The following MYH10 variants were observed in gnomAD, a reference collection of about 807,000 sequenced individuals.
MYH10 encodes myosin-10.
In MYH10, 55 loss-of-function variants were observed where a neutral mutation model predicts 257.8. The observed-to-expected ratio is 0.21, with a 90% CI of 0.17 to 0.27. The LOEUF is 0.27. Ranked by LOEUF, MYH10 falls within the 10% of genes least tolerant of loss-of-function variation. The pLI is 1.00. For synonymous variants in MYH10, 854 were observed against 921.7 expected (o/e 0.93, Z 1.33); for missense variants, 1,631 against 2,500.6 (o/e 0.65, Z 7.42).
chr17:8,602,976 C>T (rs771654499), intron 3 of MYH10, among the ~76,000 whole-genome samples: 4 of 152,142 alleles, frequency 2.6e-5, no homozygotes, highest in Non-Finnish European at 4.4e-5. Flanking sequence ...GCCACATCTG[C>T]CTCATATCTT....
chr17:8,599,434 C>T (rs2084508309), intron 3 of MYH10, among the ~76,000 whole-genome samples: 1 of 152,076 alleles, frequency 6.6e-6, no homozygotes, highest in African/African-American at 2.4e-5. Flanking sequence ...TTTCCAATAG[C>T]AACTGTTTTA....
chr17:8,554,907 C>T (rs565108608), intron 7 of MYH10, among the ~76,000 whole-genome samples: 5 of 152,262 alleles, frequency 3.3e-5, no homozygotes, highest in African/African-American at 9.6e-5. Context: ...GAACTGAGAT[C>T]GCGCCACTGC....
rs2082120542 is a variant in MYH10 at position 8,535,621 on chromosome 17, G to C, written c.1780-120C>G. ...CAACAGTCCCCAAAATGGGCTGTCT[G>C]AAAGACAATATGTTTGTAATATATA... is the stretch of plus-strand genomic sequence containing the variant. On this transcript the variant is annotated intron_variant, in intron 15 of 42. Coordinates refer to ENST00000360416, the MANE Select transcript of MYH10 (RefSeq NM_001256012.3). This position sits in a 1 kb window ranked among gnomAD's most constrained non-coding sequence, Gnocchi z 4.3. 2 of 1,231,400 alleles carry C rather than the reference G, an allele frequency of 1.6e-6. No homozygotes were observed. Among genetic ancestry groups the C allele is most frequent in the Admixed American group, 2.2e-5 (1 of 44,976 alleles). The allele number at this position is 1,231,400 out of a possible 1,614,324, so 76.3% of individuals were successfully genotyped here.
chr17:8,508,447 T>A (rs1212765900), intron 26 of MYH10, 107 bp downstream of exon 26: 2 of 1,479,900 alleles, frequency 1.4e-6, no homozygotes, highest in East Asian at 2.3e-5. Context: ...AGGTCCTTAT[T>A]ATTAGTAATC....
At position 8,535,457 on chromosome 17, in the gene MYH10, G is replaced by A. The variant is rs551194707; in HGVS notation, c.1824C>T (p.Pro608=). 66 of 1,613,976 alleles carry A rather than the reference G, an allele frequency of 4.1e-5. 2 individuals carry two copies. The South Asian group carries it at 7.1e-4, about 17-fold the overall frequency. The stretch of plus-strand genomic sequence containing the variant: ...AAAGGGTGGCCACGTTGTCATTCAG[G>A]GGGTCCATATTCTTCATCAGCCACT... ...ADEWLMKNMD[P]LNDNVATLLH... is the part of the protein sequence containing the mutation. The change falls in exon 16 of 43, where the codon CCC becomes CCT. Residue 608 remains proline (P), a synonymous_variant. Coordinates refer to ENST00000360416, the MANE Select transcript of MYH10 (RefSeq NM_001256012.3). The surrounding 1 kb of genome is among the most constrained non-coding windows in gnomAD (Gnocchi z 4.3).
intron 30 of MYH10, among the ~76,000 whole-genome samples, chr17:8,497,690 G>A (rs1281598223): frequency 7.4e-6 from 1 of 134,406 alleles, no homozygotes; most frequent in Admixed American, 8.4e-5. Context: ...AGTGAGCCGA[G>A]ATTGCGCCAC....
At chr17:8,619,780 T>C (rs1385384953) in intron 2 of MYH10, among the ~76,000 whole-genome samples, 1 of 151,782 alleles carries the variant, frequency 6.6e-6, no homozygotes, top group South Asian at 2.1e-4. Flanking sequence ...AAAAAAATTA[T>C]CTGGGTGTGG....
chr17:8,556,017 A>C (rs933435060), intron 7 of MYH10, among the ~76,000 whole-genome samples: 15 of 152,170 alleles, frequency 9.9e-5, no homozygotes, highest in African/African-American at 3.6e-4. Flanking sequence ...GTGAATGGCC[A>C]ACAAGTATAT....
chr17:8,587,836 A>G (rs1056195494), intron 4 of MYH10, among the ~76,000 whole-genome samples: 1 of 152,110 alleles, frequency 6.6e-6, no homozygotes, highest in Non-Finnish European at 1.5e-5. Flanking sequence ...TTCATACTTG[A>G]GTTTTCTAGA....
At chr17:8,565,546 G>A (rs1356055950) in intron 7 of MYH10, among the ~76,000 whole-genome samples, 5 of 152,194 alleles carry the variant, frequency 3.3e-5, no homozygotes, top group Admixed American at 3.3e-4. Flanking sequence ...AAAGCCCAAA[G>A]TAAACAATTT....
At chr17:8,525,326 T>G (rs947480600) in intron 17 of MYH10, among the ~76,000 whole-genome samples, 6 of 152,234 alleles carry the variant, frequency 3.9e-5, no homozygotes, top group African/African-American at 1.2e-4. Flanking sequence ...TCTGTGCTTC[T>G]TCTCACTGGA....
At chr17:8,536,003 A>G (rs1205877795) in intron 14 of MYH10, 72 bp from the exon 15 acceptor site, 11 of 1,374,020 alleles carry the variant, frequency 8.0e-6, no homozygotes, top group Non-Finnish European at 1.1e-5. Context: ...TGGCACTTAA[A>G]CTTCTAAAAC....
At chr17:8,540,012 C>A (rs2082248509) in intron 14 of MYH10, among the ~76,000 whole-genome samples, 1 of 152,170 alleles carries the variant, frequency 6.6e-6, no homozygotes, top group Non-Finnish European at 1.5e-5. Flanking sequence ...TGTTTGGAAA[C>A]AGGGTCTCAC....
In MYH10 at chr17:8,513,643, G is replaced by C. The variant is rs1425759395; in HGVS notation, c.2640C>G (p.Arg880=). 6 of 1,613,168 alleles carry C rather than the reference G, an allele frequency of 3.7e-6. No individual in the cohort carries two copies. The highest frequency in any genetic ancestry group is 5.1e-6 in the Non-Finnish European group (6 of 1,179,974). Residue 880 remains arginine, a synonymous_variant, in exon 23 of 43, where the codon CGC becomes CGG. Transcript: ENST00000360416. The part of the protein sequence containing the change: ...TKVKPLLQVT[R]QEEELQAKDE... ...CTTTGGCCTGAAGTTCTTCCTCCTG[G>C]CGAGTCACTTGTAGAAGCGGCTTCA...
chr17:8,597,092 T>C (rs561332317), intron 3 of MYH10, among the ~76,000 whole-genome samples: 36 of 152,200 alleles, frequency 2.4e-4, no homozygotes, highest in African/African-American at 7.5e-4. Flanking sequence ...ATGTAGGTGA[T>C]TGCAAAACTA....
chr17:8,548,437 T>C, intron 10 of MYH10, 29 bp from the exon 11 acceptor site: 1 of 1,480,456 alleles, frequency 6.8e-7, no homozygotes, highest in Non-Finnish European at 9.2e-7. Flanking sequence ...AAAAAAAAAA[T>C]TAATATTGCC....
Position 8,512,618 on chromosome 17 carries a change from C to T in MYH10, c.2785G>A (p.Ala929Thr), listed in dbSNP as rs2081336876. Residue 929 changes from alanine to threonine, a missense_variant, in exon 24 of 43, where the codon GCA (alanine) becomes ACA (threonine). Coordinates refer to ENST00000360416, the MANE Select transcript of MYH10 (RefSeq NM_001256012.3). The stretch of plus-strand genomic sequence containing the variant: ...GCTTCAGCAAAGAGCTCAGTCTCTG[C>T]TTGTAGTTGTTCTGCAAGGATATTC... ...EKNILAEQLQ[A>T]ETELFAEAEE... 2 of 1,613,052 alleles carry T rather than the reference C, an allele frequency of 1.2e-6. No homozygotes were observed. The highest frequency in any genetic ancestry group is 1.3e-5 in the African/African-American group (1 of 74,812).
chr17:8,496,130 A>G (rs1916586310), intron 30 of MYH10, among the ~76,000 whole-genome samples: 1 of 152,226 alleles, frequency 6.6e-6, no homozygotes, highest in Non-Finnish European at 1.5e-5. Context: ...TATTTCTAAA[A>G]TATTTTCCAA....
At chr17:8,500,747 C>T (rs1917396146) in intron 29 of MYH10, 79 bp downstream of exon 29, 23 of 1,524,006 alleles carry the variant, frequency 1.5e-5, no homozygotes, top group Non-Finnish European at 2.0e-5. Context: ...CATGACTGAA[C>T]AGAACGGGCA....
Sources: allele counts gnomAD v4.1 joint callset (sites outside exome capture counted in the v4.1 genomes callset), GRCh38; gene constraint gnomAD v4.1.1; non-coding constraint Gnocchi (gnomAD v3.1); transcripts MANE v1.5; gene names NCBI Gene and HGNC (gene_info 2026-07-23, HGNC 2026-07-21).